Variants in KLF12 observed in about 807,000 individuals in gnomAD.
KLF12 encodes Krueppel-like factor 12.
Under a neutral mutation model 37.8 loss-of-function variants are expected in KLF12, and 9 were observed. That is an observed-to-expected ratio of 0.24 (90% CI 0.14 to 0.42). The LOEUF is 0.42. Among genes scored for constraint, KLF12 ranks in the 10% least tolerant of loss-of-function variants. The probability of loss-of-function intolerance (pLI) is 1.00; values close to 1 mark genes in which losing one functional copy is unlikely to be tolerated. For missense variants in KLF12, 411 were observed against 516.0 expected (o/e 0.80, Z 1.97); for synonymous variants, 208 against 202.1 (o/e 1.03, Z -0.25).
At chr13:74,092,300 A>C (rs962308180) in intron 1 of KLF12, among the ~76,000 whole-genome samples, 1 of 151,712 alleles carries the variant, frequency 6.6e-6, no homozygotes, top group Admixed American at 6.6e-5. Flanking sequence ...CCGTCTCAAA[A>C]AAAAAAAAGA....
At chr13:74,081,733 C>T (rs2138760557) in intron 1 of KLF12, among the ~76,000 whole-genome samples, 1 of 152,310 alleles carries the variant, frequency 6.6e-6, no homozygotes, top group South Asian at 2.1e-4. Flanking sequence ...TGCATACAGG[C>T]ATGGAACGCC....
At position 74,064,447 on chromosome 13, in the gene KLF12, A is replaced by G. The variant is rs1178722734; in HGVS notation, c.-32+69292T>C. Among the ~76,000 whole-genome samples, 3 of 152,210 alleles carry G rather than the reference A, an allele frequency of 2.0e-5. No homozygotes were observed. The East Asian group carries it at 5.8e-4, about 29-fold the overall frequency. On this transcript the variant is annotated intron_variant, in intron 1 of 7. Transcript: ENST00000377669. Reference sequence around the variant, plus strand: ...TCACATAACTTTAGCAAAATGAGACATGGGTGGCTGCAATCGTTTTGTTTA... The same window carrying G: ...TCACATAACTTTAGCAAAATGAGACGTGGGTGGCTGCAATCGTTTTGTTTA...
At chr13:74,047,305 A>C (rs1893571752) in intron 1 of KLF12, among the ~76,000 whole-genome samples, 1 of 152,102 alleles carries the variant, frequency 6.6e-6, no homozygotes, top group Non-Finnish European at 1.5e-5. Flanking sequence ...TGCTTTAAAA[A>C]GCCAGGCCAG....
At chr13:73,744,478 C>T (rs1415449317) in intron 6 of KLF12, among the ~76,000 whole-genome samples, 3 of 151,762 alleles carry the variant, frequency 2.0e-5, no homozygotes, top group Admixed American at 1.3e-4. Context: ...ACCCTTTAGG[C>T]ACGCTGGTGG....
At chr13:74,185,733 A>G in the KLF12 span, among the ~76,000 whole-genome samples, 2,464 of 148,256 alleles carry the variant, frequency 0.017, 54 homozygotes, top group African/African-American at 0.057. Context: ...TGCAACCTCC[A>G]CCTCCCAGGT....
the KLF12 span, among the ~76,000 whole-genome samples, chr13:74,283,518 A>G: frequency 6.6e-6 from 1 of 152,238 alleles, no homozygotes; most frequent in African/African-American, 2.4e-5. Context: ...ACTACATTCC[A>G]TGCAGATACT....
intron 6 of KLF12, among the ~76,000 whole-genome samples, chr13:73,757,463 C>G (rs1438168276): frequency 1.6e-4 from 24 of 152,140 alleles, no homozygotes; most frequent in Admixed American, 1.6e-3. Context: ...AGGGAAATTA[C>G]TAAGAAACTT....
the KLF12 span, among the ~76,000 whole-genome samples, chr13:74,229,614 C>G: frequency 6.6e-6 from 1 of 152,192 alleles, no homozygotes; most frequent in African/African-American, 2.4e-5. Context: ...TATACCAACA[C>G]TTGGAAAGTT....
intron 3 of KLF12, among the ~76,000 whole-genome samples, chr13:73,927,040 T>C (rs1593738460): frequency 6.6e-6 from 1 of 151,764 alleles, no homozygotes; most frequent in Admixed American, 6.6e-5. Flanking sequence ...TGTGAAAGGG[T>C]GTCATGTATG....
the KLF12 span, among the ~76,000 whole-genome samples, chr13:74,287,362 G>GAT: frequency 6.7e-6 from 1 of 148,604 alleles, no homozygotes; most frequent in Admixed American, 6.7e-5. Flanking sequence ...GAGAGAGAGA[G>GAT]AGAGAGAGAG....
chr13:74,026,446 T>C (rs1175654990), intron 1 of KLF12, among the ~76,000 whole-genome samples: 1 of 152,188 alleles, frequency 6.6e-6, no homozygotes, highest in East Asian at 1.9e-4. Flanking sequence ...TTAAGTTGTA[T>C]TTCACAATTT....
intron 1 of KLF12, among the ~76,000 whole-genome samples, chr13:74,104,133 A>G (rs1245311343): frequency 6.6e-6 from 1 of 152,212 alleles, no homozygotes; most frequent in Admixed American, 6.5e-5. Context: ...AGTATCCCAG[A>G]TAAGGTGTTT....
intron 3 of KLF12, among the ~76,000 whole-genome samples, chr13:73,900,392 C>T (rs2139080687): frequency 6.6e-6 from 1 of 152,166 alleles, no homozygotes; most frequent in South Asian, 2.1e-4. Context: ...AATTGCTAGT[C>T]ACAATAACTA....
At chr13:74,259,558 T>C in the KLF12 span, 2 of 152,250 alleles carry the variant, frequency 1.3e-5, no homozygotes, top group Admixed American at 6.5e-5. Flanking sequence ...TTTAAAAATA[T>C]ATTTAGATTG....
At chr13:74,100,035 A>T (rs1876233211) in intron 1 of KLF12, among the ~76,000 whole-genome samples, 1 of 152,012 alleles carries the variant, frequency 6.6e-6, no homozygotes, top group Non-Finnish European at 1.5e-5. Flanking sequence ...AAGTACACAG[A>T]GTGTGGAGGG....
intron 1 of KLF12, among the ~76,000 whole-genome samples, chr13:74,094,914 C>T (rs1875892778): frequency 6.6e-6 from 1 of 152,118 alleles, no homozygotes; most frequent in Non-Finnish European, 1.5e-5. Context: ...TTATATCCAT[C>T]TTTCATTTGT....
At chr13:74,045,156 A>G (rs1169967677) in intron 1 of KLF12, among the ~76,000 whole-genome samples, 1 of 152,210 alleles carries the variant, frequency 6.6e-6, no homozygotes, top group Non-Finnish European at 1.5e-5. Context: ...AATAAAGACC[A>G]TAATCCTTTA....
At chr13:73,969,736 T>TTG (rs1891276608) in intron 2 of KLF12, among the ~76,000 whole-genome samples, 2 of 152,188 alleles carry the variant, frequency 1.3e-5, no homozygotes, top group African/African-American at 2.4e-5. Flanking sequence ...ACAATAAGTA[T>TTG]TCAAGACATA....
chr13:73,999,439 A>AAACC (rs1468473608), intron 1 of KLF12, among the ~76,000 whole-genome samples: 14 of 152,186 alleles, frequency 9.2e-5, no homozygotes, highest in Non-Finnish European at 5.9e-5. Context: ...CTTCAGACAA[A>AAACC]AACCCAGGCA....
Sources: gnomAD v4.1 joint callset for allele counts (sites outside exome capture counted in the v4.1 genomes callset) on GRCh38, gnomAD v4.1.1 for gene constraint, MANE v1.5 for transcripts, NCBI Gene and HGNC (gene_info 2026-07-23, HGNC 2026-07-21) for gene names.